TMEM255A: variants seen among roughly 807,000 people sequenced by gnomAD.
TMEM255A encodes transmembrane protein 255A, also known as family with sequence similarity 70, member A.
Under a neutral mutation model 23.5 loss-of-function variants are expected in TMEM255A, and 14 were observed. That is an observed-to-expected ratio of 0.60 (90% CI 0.39 to 0.93). The LOEUF (loss-of-function observed/expected upper bound fraction) is 0.93, where lower values mean the gene tolerates loss of function less well. Among genes scored for constraint, TMEM255A ranks in the 40% least tolerant of loss-of-function variants. The probability of loss-of-function intolerance (pLI) is 0.00; values close to 1 mark genes in which losing one functional copy is unlikely to be tolerated. For missense variants in TMEM255A, 233 were observed against 261.7 expected (o/e 0.89, Z 0.76); for synonymous variants, 104 against 100.3 (o/e 1.04, Z -0.22).
At chrX:120,264,288 A>G (rs1184734508) in intron 8 of TMEM255A, among the ~76,000 whole-genome samples, 1 of 111,735 alleles carries the variant, frequency 8.9e-6, no homozygotes, top group Non-Finnish European at 1.9e-5. Flanking sequence ...GGACAAGAGA[A>G]ATGAGTGTTG....
rs1556015972 is a variant in TMEM255A, at chrX:120,258,825, A to G, written c.*2045T>C. The G allele has an allele frequency of 8.9e-6, 1 of 112,958 alleles. No individual in the cohort carries two copies. Among genetic ancestry groups the G allele is most frequent in the Non-Finnish European group, 1.9e-5 (1 of 53,339 alleles). 9.3% of individuals were successfully genotyped at this position (112,958 alleles called of 1,213,427 possible). A position where few individuals can be genotyped will look rare whatever the true frequency, so the allele number is the denominator to read the frequency against. ...AGCAGAATTAGGAATAAAGCAGTAAATATTACAAAATGCAGTCAAGATACA... is the reference window on the plus strand; with the variant it reads ...AGCAGAATTAGGAATAAAGCAGTAAGTATTACAAAATGCAGTCAAGATACA... On this transcript the variant is annotated 3_prime_UTR_variant, in exon 9 of 9. Transcript: ENST00000371369.
At chrX:120,271,164 A>T (rs1426045707) in intron 7 of TMEM255A, among the ~76,000 whole-genome samples, 1 of 112,036 alleles carries the variant, frequency 8.9e-6, no homozygotes, top group Non-Finnish European at 1.9e-5. Context: ...GGTGGAAACA[A>T]CTTGCTTTTA....
intron 4 of TMEM255A, among the ~76,000 whole-genome samples, chrX:120,287,677 C>T (rs1333680903): frequency 9.0e-6 from 1 of 111,347 alleles, no homozygotes; most frequent in Non-Finnish European, 1.9e-5. Flanking sequence ...GTACCTCTTG[C>T]TGTCATTTCC....
In TMEM255A at chrX:120,291,274, C is replaced by T. The variant is rs781833126; in HGVS notation, c.331G>A (p.Gly111Arg). The T allele has an allele frequency of 5.0e-6, 6 of 1,207,027 alleles. No individual in the cohort carries two copies. Among genetic ancestry groups the T allele is most frequent in the Admixed American group, 2.2e-5 (1 of 45,414 alleles). Residue 111 changes from glycine (G) to arginine (R), a missense_variant, in exon 4 of 9, where the codon GGG (glycine) becomes AGG (arginine). Gly to Arg is a moderately radical substitution (Grantham distance 125). Transcript: ENST00000371369. ...IAAFCCAIVDGVFAARHIDLK... is the reference protein window; with the variant it reads ...IAAFCCAIVDRVFAARHIDLK... ...ACAATGTGTCTGGCAGCAAAGACCCCGTCAACTATGGCACAACAAAAAGCC... is the reference window on the plus strand; with the variant it reads ...ACAATGTGTCTGGCAGCAAAGACCCTGTCAACTATGGCACAACAAAAAGCC...
At chrX:120,251,557 A>G in the TMEM255A span, among the ~76,000 whole-genome samples, 1 of 111,786 alleles carries the variant, frequency 8.9e-6, no homozygotes, top group African/African-American at 3.3e-5. Flanking sequence ...TGCAGCTGGC[A>G]GGGTCCATAT....
chrX:120,285,662 G>C (rs199660806), intron 5 of TMEM255A: 213 of 1,209,215 alleles, frequency 1.8e-4, no homozygotes, highest in Non-Finnish European at 2.3e-4. Flanking sequence ...CATAACCCTC[G>C]TGGAAGGAGA....
At chrX:120,262,936 C>G (rs2057689744) in intron 8 of TMEM255A, among the ~76,000 whole-genome samples, 1 of 111,712 alleles carries the variant, frequency 9.0e-6, no homozygotes, top group Non-Finnish European at 1.9e-5. Flanking sequence ...GGCAGTTGTA[C>G]ACTTTGATAA....
At chrX:120,285,374 C>A (rs1556021590) in intron 5 of TMEM255A, among the ~76,000 whole-genome samples, 159 bp from the exon 6 acceptor site, 1 of 111,424 alleles carries the variant, frequency 9.0e-6, no homozygotes, top group East Asian at 2.8e-4. Context: ...GGGAGCTGGC[C>A]GAACTTGTGC....
intron 8 of TMEM255A, among the ~76,000 whole-genome samples, chrX:120,264,062 G>T (rs992699947): frequency 1.3e-4 from 14 of 111,717 alleles, no homozygotes; most frequent in Non-Finnish European, 2.4e-4. Context: ...AAACTTGGCT[G>T]GTCACCAAAT....
At chrX:120,278,609 C>T (rs1395189011) in intron 6 of TMEM255A, among the ~76,000 whole-genome samples, 1 of 111,736 alleles carries the variant, frequency 8.9e-6, no homozygotes, top group East Asian at 2.8e-4. Flanking sequence ...ACAACTTGGC[C>T]ACTGGAGTTC....
intron 8 of TMEM255A, among the ~76,000 whole-genome samples, chrX:120,265,615 A>G (rs1556017441): frequency 8.9e-6 from 1 of 111,908 alleles, no homozygotes; most frequent in African/African-American, 3.3e-5. Flanking sequence ...AAATCCCCCA[A>G]CCCAATCTCT....
chrX:120,302,470 A>C (rs2058038903), intron 2 of TMEM255A, among the ~76,000 whole-genome samples: 1 of 108,929 alleles, frequency 9.2e-6, no homozygotes, highest in African/African-American at 3.4e-5. Flanking sequence ...ATGCTATCTT[A>C]CCCCCTCTGT....
At chrX:120,263,623 ACT>A (rs2057695185) in intron 8 of TMEM255A, among the ~76,000 whole-genome samples, 1 of 111,492 alleles carries the variant, frequency 9.0e-6, no homozygotes, top group African/African-American at 3.3e-5. Context: ...AGTTAAAGAC[ACT>A]GTGTCCCAAG....
chrX:120,281,191 C>T (rs1312166045), intron 6 of TMEM255A, among the ~76,000 whole-genome samples: 1 of 112,208 alleles, frequency 8.9e-6, no homozygotes, highest in Non-Finnish European at 1.9e-5. Flanking sequence ...CTCTCACTGC[C>T]TAGCACAGTG....
rs559108695 is a variant in TMEM255A at position 120,298,937 on chromosome X, A to T, written c.202-4886T>A. Among the ~76,000 whole-genome samples, 97 of 110,506 alleles carry T rather than the reference A, an allele frequency of 8.8e-4. 1 individual carries two copies. In the South Asian group the frequency reaches 0.033, roughly 38 times the overall value. Reference sequence around the variant, plus strand: ...GAGGATATTCTAGGCATGAGGAAAAAATGTTATGACGGCCCCAAGGCAGAA... The same window carrying T: ...GAGGATATTCTAGGCATGAGGAAAATATGTTATGACGGCCCCAAGGCAGAA... On this transcript the variant is annotated intron_variant, in intron 2 of 8. Coordinates refer to ENST00000371369, the MANE Select transcript of TMEM255A (RefSeq NM_001104544.3).
rs1387670815 is a variant in TMEM255A, at chrX:120,259,063, GA to G, written c.*1806del. 1.1e-4 allele frequency: 12 copies of G among 112,658 alleles called. 1 individual carries two copies. Among genetic ancestry groups the G allele is most frequent in the East Asian group, 8.3e-4 (3 of 3,622 alleles). 9.3% of individuals were successfully genotyped at this position (112,658 alleles called of 1,213,427 possible). A position where few individuals can be genotyped will look rare whatever the true frequency, so the allele number is the denominator to read the frequency against. On this transcript the variant is annotated 3_prime_UTR_variant, in exon 9 of 9. Transcript: ENST00000371369. ...GAGCCATAGAATCTTAACACTTTAA[GA>G]AATGTGATAAATGTAGGATAAACTG...
At chrX:120,270,769 T>C (rs1222707308) in intron 7 of TMEM255A, among the ~76,000 whole-genome samples, 1 of 110,429 alleles carries the variant, frequency 9.1e-6, no homozygotes, top group African/African-American at 3.3e-5. Flanking sequence ...CTGTCCTCAC[T>C]CTCTGCAAAC....
At chrX:120,263,379 G>A (rs1042893344) in intron 8 of TMEM255A, among the ~76,000 whole-genome samples, 1 of 112,189 alleles carries the variant, frequency 8.9e-6, no homozygotes, top group Non-Finnish European at 1.9e-5. Flanking sequence ...CTTCCTGAGC[G>A]GCTTCTTAGA....
intron 7 of TMEM255A, among the ~76,000 whole-genome samples, chrX:120,274,915 G>A (rs1303181202): frequency 9.6e-6 from 1 of 104,406 alleles, no homozygotes; most frequent in African/African-American, 3.4e-5. Context: ...TGCCATCCAA[G>A]CCTGAAAGCT....
Sources: allele counts gnomAD v4.1 joint callset (sites outside exome capture counted in the v4.1 genomes callset), GRCh38; gene constraint gnomAD v4.1.1; transcripts MANE v1.5; gene names NCBI Gene and HGNC (gene_info 2026-07-23, HGNC 2026-07-21).